APLF: variants seen among roughly 807,000 people sequenced by gnomAD.
The protein encoded by APLF is aprataxin and PNK-like factor.
A neutral mutation model predicts 55.6 loss-of-function variants in APLF; 61 were observed. The ratio of observed to expected loss-of-function variants is 1.10; its 90% CI spans 0.89 to 1.36. The LOEUF (loss-of-function observed/expected upper bound fraction) is 1.36. Among genes scored for constraint, APLF ranks in the 40% most tolerant of loss-of-function variants. The pLI is 0.00. For missense variants in APLF, 611 were observed against 602.5 expected (o/e 1.01, Z -0.15); for synonymous variants, 207 against 214.8 (o/e 0.96, Z 0.32).
chr2:68,559,290 G>A (rs570803463), intron 8 of APLF, among the ~76,000 whole-genome samples: 1 of 152,140 alleles, frequency 6.6e-6, no homozygotes, highest in South Asian at 2.1e-4. Context: ...CCCTTCCTTA[G>A]CCTTCTTTTC....
chr2:68,542,197 G>A (rs1315383481), intron 7 of APLF, among the ~76,000 whole-genome samples: 5 of 151,968 alleles, frequency 3.3e-5, no homozygotes, highest in African/African-American at 4.8e-5. Flanking sequence ...AAAACTACAA[G>A]ACTCTTAGAA....
chr2:68,500,861 A>C (rs753050478), intron 2 of APLF, among the ~76,000 whole-genome samples: 1 of 152,214 alleles, frequency 6.6e-6, no homozygotes, highest in Non-Finnish European at 1.5e-5. Context: ...TCAATTTGTC[A>C]TGTGCTTGTT....
intron 3 of APLF, among the ~76,000 whole-genome samples, chr2:68,511,975 A>G (rs1017404701): frequency 1.3e-5 from 2 of 151,864 alleles, no homozygotes; most frequent in East Asian, 3.9e-4. Flanking sequence ...AAATAAAACA[A>G]GCGGTTAATT....
At chr2:68,563,136 A>G in intron 8 of APLF, 5 of 985,256 alleles carry the variant, frequency 5.1e-6, no homozygotes, top group Non-Finnish European at 6.0e-6. Flanking sequence ...CAACTCAGCT[A>G]GTTTCTTCTG....
intron 6 of APLF, chr2:68,528,375 A>G (rs1670142823): frequency 6.5e-7 from 1 of 1,533,678 alleles, no homozygotes; most frequent in African/African-American, 1.4e-5. Context: ...TGACCCACCA[A>G]CAGTGCCTCA....
rs1671663582 is a variant in APLF, at chr2:68,577,885, A to G, written c.1399A>G (p.Ser467Gly). 6.2e-7 allele frequency: 1 copy of G among 1,613,652 alleles called. No individual in the cohort carries two copies. The highest frequency in any genetic ancestry group is 8.5e-7 in the Non-Finnish European group (1 of 1,179,702). Residue 467 changes from serine to glycine, a missense_variant, in exon 10 of 10, where the codon AGC becomes GGC. Ser to Gly is a moderately conservative substitution (Grantham distance 56). Coordinates refer to ENST00000303795, the MANE Select transcript of APLF (RefSeq NM_173545.3). Reference sequence around the variant, plus strand: ...ACCCAATGAGTATGACCTGAACGACAGCTTTCTAGATGATGAGGAAGAAGA... The same window carrying G: ...ACCCAATGAGTATGACCTGAACGACGGCTTTCTAGATGATGAGGAAGAAGA... ...GQPNEYDLND[S>G]FLDDEEEDYE...
chr2:68,512,712 C>T (rs1291400366), intron 3 of APLF, among the ~76,000 whole-genome samples: 3 of 151,782 alleles, frequency 2.0e-5, no homozygotes, highest in Non-Finnish European at 2.9e-5. Context: ...AAACGTCTAA[C>T]TAGCTTAGCT....
chr2:68,489,124 C>T (rs1401794201), intron 1 of APLF, among the ~76,000 whole-genome samples: 1 of 152,170 alleles, frequency 6.6e-6, no homozygotes, highest in African/African-American at 2.4e-5. Context: ...TCATGTGATA[C>T]TCATTCCGAT....
chr2:68,486,643 T>G (rs977425930), intron 1 of APLF, among the ~76,000 whole-genome samples: 4 of 152,170 alleles, frequency 2.6e-5, no homozygotes, highest in African/African-American at 9.7e-5. Context: ...GTTAAAGTTT[T>G]TAGTAATCTC....
At chr2:68,497,563 A>G (rs1355246729) in intron 2 of APLF, among the ~76,000 whole-genome samples, 2 of 151,184 alleles carry the variant, frequency 1.3e-5, no homozygotes, top group South Asian at 2.1e-4. Context: ...AGGCTACAGA[A>G]CTGTGGGTCA....
chr2:68,502,028 TGAGA>T (rs945440952), intron 2 of APLF, among the ~76,000 whole-genome samples: 1 of 152,124 alleles, frequency 6.6e-6, no homozygotes, highest in African/African-American at 2.4e-5. Context: ...AGAGCATGCA[TGAGA>T]GAGTGAGCAA....
intron 1 of APLF, among the ~76,000 whole-genome samples, chr2:68,482,291 A>C (rs1675984663): frequency 6.6e-6 from 1 of 152,102 alleles, no homozygotes; most frequent in African/African-American, 2.4e-5. Flanking sequence ...TGACAGGTAG[A>C]GTACATTGGC....
intron 8 of APLF, among the ~76,000 whole-genome samples, chr2:68,566,887 A>AT (rs1186857113): frequency 6.6e-6 from 1 of 151,970 alleles, no homozygotes; most frequent in Non-Finnish European, 1.5e-5. Context: ...ATAACAAGTG[A>AT]TTGGTGTTCT....
intron 5 of APLF, among the ~76,000 whole-genome samples, chr2:68,517,332 TATATA>T (rs1170156232): frequency 8.0e-6 from 1 of 124,340 alleles, no homozygotes; most frequent in Non-Finnish European, 1.6e-5. Context: ...ATGTCATTAC[TATATA>T]ATATATTAAT....
At chr2:68,519,275 T>C (rs1225434624) in intron 5 of APLF, among the ~76,000 whole-genome samples, 2 of 141,822 alleles carry the variant, frequency 1.4e-5, no homozygotes, top group Admixed American at 7.5e-5. Context: ...TAATATATTA[T>C]ATGTATATTG....
chr2:68,518,790 A>T (rs1573210219), intron 5 of APLF, among the ~76,000 whole-genome samples: 1 of 43,230 alleles, frequency 2.3e-5, no homozygotes, highest in South Asian at 8.5e-4. Flanking sequence ...ATATAATAAA[A>T]TATTAATAAT....
intron 2 of APLF, among the ~76,000 whole-genome samples, chr2:68,496,609 T>C (rs1344393926): frequency 6.6e-6 from 1 of 152,224 alleles, no homozygotes; most frequent in East Asian, 1.9e-4. Context: ...TGCAGGTTGT[T>C]AGAAGCAGCC....
chr2:68,494,664 C>A (rs1183034708), intron 2 of APLF, among the ~76,000 whole-genome samples: 1 of 152,114 alleles, frequency 6.6e-6, no homozygotes, highest in Non-Finnish European at 1.5e-5. Context: ...ACCCTCCACT[C>A]TTTAGTAGGC....
intron 6 of APLF, among the ~76,000 whole-genome samples, chr2:68,534,727 T>C (rs1014876584): frequency 2.0e-5 from 3 of 152,134 alleles, no homozygotes; most frequent in Non-Finnish European, 2.9e-5. Flanking sequence ...TCATCTAATG[T>C]AAGAAATAAG....
Sources: gnomAD v4.1 joint callset for allele counts (sites outside exome capture counted in the v4.1 genomes callset) on GRCh38, gnomAD v4.1.1 for gene constraint, MANE v1.5 for transcripts, NCBI Gene and HGNC (gene_info 2026-07-23, HGNC 2026-07-21) for gene names.